Variants in CASKIN1 observed in about 807,000 individuals in gnomAD.
CASKIN1 encodes the protein caskin-1.
Under a neutral mutation model 117.5 loss-of-function variants are expected in CASKIN1, and 42 were observed. The ratio of observed to expected loss-of-function variants is 0.36; its 90% CI spans 0.28 to 0.46. CASKIN1 has a LOEUF of 0.46. CASKIN1 is among the 20% of genes least tolerant of loss of function. The pLI, the probability that CASKIN1 is intolerant of heterozygous loss-of-function variation, is 1.00. For synonymous variants in CASKIN1, 1,148 were observed against 961.7 expected (o/e 1.19, Z -3.59); for missense variants, 2,083 against 2,077.3 (o/e 1.00, Z -0.05).
rs781086481 is a variant in CASKIN1, at chr16:2,180,830, C to T, written c.2538G>A (p.Pro846=). The T allele has an allele frequency of 5.1e-5, 71 of 1,381,908 alleles. No individual in the cohort carries two copies. The highest frequency in any genetic ancestry group is 2.4e-4 in the Middle Eastern group (1 of 4,230). 85.6% of individuals were successfully genotyped at this position (1,381,908 alleles called of 1,614,324 possible). The change falls in exon 18 of 20, where the codon CCG becomes CCA. Residue 846 remains proline (P), a synonymous_variant. Coordinates refer to ENST00000343516, the MANE Select transcript of CASKIN1 (RefSeq NM_020764.4). ...LPQPVEGEVG[P]AAPGPAPPPV... ...GTGGGGGCGCAGGCCCCGGGGCAGCCGGCCCCACCTCGCCCTCCACGGGCT... is the reference window on the plus strand; with the variant it reads ...GTGGGGGCGCAGGCCCCGGGGCAGCTGGCCCCACCTCGCCCTCCACGGGCT...
In CASKIN1 at chr16:2,190,112, G is replaced by T; in HGVS notation, c.205C>A (p.Leu69Met). The change falls in exon 3 of 20, where the codon CTG becomes ATG. Residue 69 changes from leucine (L) to methionine (M), a missense_variant. Leu to Met is a conservative substitution (Grantham distance 15). This residue lies in a region of CASKIN1 where 203 missense variants were observed against 338.7 expected (regional missense o/e 0.60). Coordinates refer to ENST00000343516, the MANE Select transcript of CASKIN1 (RefSeq NM_020764.4). ...NGNTELISLL[L>M]EAQAAVDIKD... ...ATGTCCACAGCGGCCTGGGCCTCCAGCAGCAGGCTGATCAATTCCGTGTTG... is the reference window on the plus strand; with the variant it reads ...ATGTCCACAGCGGCCTGGGCCTCCATCAGCAGGCTGATCAATTCCGTGTTG... 6.2e-7 allele frequency: 1 copy of T among 1,612,176 alleles called. No homozygotes were observed. Among genetic ancestry groups the T allele is most frequent in the Non-Finnish European group, 8.5e-7 (1 of 1,179,484 alleles).
At chr16:2,187,551 C>T in intron 6 of CASKIN1, 90 bp from the exon 7 acceptor site, 3 of 999,032 alleles carry the variant, frequency 3.0e-6, no homozygotes, top group Non-Finnish European at 4.6e-6. Context: ...CCAGGTACCC[C>T]AGCAGTCAGC....
chr16:2,189,168 G>A lies in CASKIN1; in HGVS notation c.487-11C>T, dbSNP rs1207184062. 2 of 1,612,466 alleles carry A rather than the reference G, an allele frequency of 1.2e-6. No homozygotes were observed. Among genetic ancestry groups the A allele is most frequent in the Non-Finnish European group, 1.7e-6 (2 of 1,179,494 alleles). ...GAGCAGCTGGACCACCTTGAAGGAG[G>A]GGTCAGGGTAGGGGGGTCCTGATGT... On this transcript the variant is annotated splice_polypyrimidine_tract_variant and intron_variant, in intron 5 of 19. Coordinates refer to ENST00000343516, the MANE Select transcript of CASKIN1 (RefSeq NM_020764.4).
At chr16:2,190,035 C>G in intron 3 of CASKIN1, 38 bp downstream of exon 3, 1 of 1,561,986 alleles carries the variant, frequency 6.4e-7, no homozygotes, top group Non-Finnish European at 8.8e-7. Context: ...TCGCTGCCCC[C>G]GCCCCTGCCC....
rs1309800533 is a variant in CASKIN1, at chr16:2,178,221, GCAGTT to G, written c.*324_*328del. Reference sequence around the variant, plus strand: ...AGCGGCTGGCCGGGCGTCCCGATGGGCAGTTCTGTGCTGGGCCCGGGCCTGTGCGC... The same window carrying G: ...AGCGGCTGGCCGGGCGTCCCGATGGGCTGTGCTGGGCCCGGGCCTGTGCGC... On this transcript the variant is annotated 3_prime_UTR_variant, in exon 20 of 20. Coordinates refer to ENST00000343516, the MANE Select transcript of CASKIN1 (RefSeq NM_020764.4). 3 of 438,844 alleles carry G rather than the reference GCAGTT, an allele frequency of 6.8e-6. No individual in the cohort carries two copies. Among genetic ancestry groups the G allele is most frequent in the African/African-American group, 4.2e-5 (2 of 47,722 alleles). The allele number at this position is 438,844 out of a possible 1,614,324, so 27.2% of individuals were successfully genotyped here.
chr16:2,178,881 C>T, intron 19 of CASKIN1, 21 bp downstream of exon 19: 1 of 1,412,040 alleles, frequency 7.1e-7, no homozygotes, highest in African/African-American at 1.6e-5. Context: ...CTCCGCCCGC[C>T]AGGCCCCGCC....
At chr16:2,184,625 C>T in intron 14 of CASKIN1, 152 bp downstream of exon 14, 2 of 606,286 alleles carry the variant, frequency 3.3e-6, no homozygotes, top group South Asian at 6.3e-5. Context: ...ACACACAACA[C>T]ACAGACTGAC....
Position 2,180,992 on chromosome 16 carries a change from C to T in CASKIN1, c.2376G>A (p.Gly792=), listed in dbSNP as rs778352647. 4 of 1,476,860 alleles carry T rather than the reference C, an allele frequency of 2.7e-6. No homozygotes were observed. Among genetic ancestry groups the T allele is most frequent in the South Asian group, 1.4e-5 (1 of 70,446 alleles). The allele number at this position is 1,476,860 out of a possible 1,614,324, so 91.5% of individuals were successfully genotyped here. ...TAGCTGGGGCTGGACCATGAGGTCC[C>T]CCAAGGGCCTGGGGAGAGCCTGGTC... ...KTRPGSPQAL[G]GPHGPAPATA... Residue 792 remains glycine, a synonymous_variant, in exon 18 of 20, where the codon GGG becomes GGA. Transcript: ENST00000343516.
intron 1 of CASKIN1, among the ~76,000 whole-genome samples, chr16:2,192,237 T>C (rs1325334060): frequency 2.0e-5 from 3 of 151,372 alleles, no homozygotes; most frequent in African/African-American, 7.3e-5. Context: ...AGGTTGAAGC[T>C]GCAGTGAGCC....
rs2093164346 is a variant in CASKIN1 at position 2,180,635 on chromosome 16, C to G, written c.2733G>C (p.Gln911His). 6.5e-7 allele frequency: 1 copy of G among 1,549,074 alleles called. No homozygotes were observed. Among genetic ancestry groups the G allele is most frequent in the Non-Finnish European group, 8.7e-7 (1 of 1,154,760 alleles). Residue 911 changes from glutamine to histidine, a missense_variant, in exon 18 of 20, where the codon CAG becomes CAC. Physicochemically the swap from Gln to His is conservative, Grantham distance 24. Around this residue, in one of 3 missense-constraint regions of CASKIN1, gnomAD observed 1,818 missense variants for 1,688.9 expected, o/e 1.08. Transcript: ENST00000343516. Reference protein sequence around the residue: ...PAAAGPYATVQRRVGRSHSVR... With the variant: ...PAAAGPYATVHRRVGRSHSVR... The stretch of plus-strand genomic sequence containing the variant: ...CTGAGTGGCTGCGGCCCACGCGCCG[C>G]TGGACCGTGGCATAGGGGCCGGCAG...
At chr16:2,192,803 G>A (rs1267174549) in intron 1 of CASKIN1, among the ~76,000 whole-genome samples, 1 of 152,144 alleles carries the variant, frequency 6.6e-6, no homozygotes, top group Non-Finnish European at 1.5e-5. Context: ...GCACCAAGGG[G>A]ACAAGGGCCG....
chr16:2,178,496 G>T lies in CASKIN1; in HGVS notation c.*54C>A. On this transcript the variant is annotated 3_prime_UTR_variant, in exon 20 of 20. Transcript: ENST00000343516. Reference sequence around the variant, plus strand: ...CCAGACGCGCCCATCCTGAGGTATAGGTCAGTGTGCGGGGAGGGCCCGGGC... The same window carrying T: ...CCAGACGCGCCCATCCTGAGGTATATGTCAGTGTGCGGGGAGGGCCCGGGC... 2.1e-6 allele frequency: 3 copies of T among 1,419,084 alleles called. No homozygotes were observed. The South Asian group carries it at 3.8e-5, about 18-fold the overall frequency. 87.9% of individuals were successfully genotyped at this position (1,419,084 alleles called of 1,614,324 possible). A position where few individuals can be genotyped will look rare whatever the true frequency, so the allele number is the denominator to read the frequency against.
chr16:2,178,433 T>G lies in CASKIN1; in HGVS notation c.*117A>C, dbSNP rs947772792. The G allele has an allele frequency of 4.9e-5, 36 of 735,628 alleles. No individual in the cohort carries two copies. In the Admixed American group the frequency reaches 1.4e-3, roughly 29 times the overall value. The allele number at this position is 735,628 out of a possible 1,614,324, so 45.6% of individuals were successfully genotyped here. On this transcript the variant is annotated 3_prime_UTR_variant, in exon 20 of 20. Transcript: ENST00000343516. ...GGCCCGGGTCCAGGGGCCGGAGTTGTGCTTCTGCAGGGCCCTGCCCGGCCG... is the reference window on the plus strand; with the variant it reads ...GGCCCGGGTCCAGGGGCCGGAGTTGGGCTTCTGCAGGGCCCTGCCCGGCCG...
intron 14 of CASKIN1, 100 bp from the exon 15 acceptor site, chr16:2,184,041 T>C (rs2093176279): frequency 1.3e-6 from 1 of 747,316 alleles, no homozygotes; most frequent in South Asian, 1.8e-5. Flanking sequence ...GTGCAGCCAC[T>C]GCGTCCGCCG....
chr16:2,179,894 C>G lies in CASKIN1; in HGVS notation c.3474G>C (p.Glu1158Asp), dbSNP rs746884750. 1.2e-6 allele frequency: 2 copies of G among 1,605,290 alleles called. No homozygotes were observed. The highest frequency in any genetic ancestry group is 1.7e-6 in the Non-Finnish European group (2 of 1,176,240). ...GTGGCGGTGGTGGCTCAGGCCCGGCCTCCCGCTCCTTGGCCTTGGGCCTGC... is the reference window on the plus strand; with the variant it reads ...GTGGCGGTGGTGGCTCAGGCCCGGCGTCCCGCTCCTTGGCCTTGGGCCTGC... ...VKRRPKAKER[E>D]AGPEPPPPLS... The change falls in exon 18 of 20, where the codon GAG becomes GAC. Residue 1158 changes from glutamate to aspartate, a missense_variant. Glu to Asp is a conservative substitution (Grantham distance 45, BLOSUM62 2). Transcript: ENST00000343516. This position sits in a 1 kb window ranked among gnomAD's most constrained non-coding sequence, Gnocchi z 5.8.
Position 2,177,320 on chromosome 16 carries a change from C to T in CASKIN1, c.*1230G>A, listed in dbSNP as rs889405425. 1.2e-4 allele frequency: 29 copies of T among 234,504 alleles called. No individual in the cohort carries two copies. The highest frequency in any genetic ancestry group is 3.6e-4 in the South Asian group (2 of 5,626). 14.5% of individuals were successfully genotyped at this position (234,504 alleles called of 1,614,324 possible). On this transcript the variant is annotated 3_prime_UTR_variant, in exon 20 of 20. Transcript: ENST00000343516. ...GGGCACGTCCACTCGCAGGGAAACA[C>T]GGGGTGAGACAGCAGGAAGGGGCCC...
chr16:2,179,187 C>T lies in CASKIN1; in HGVS notation c.3914G>A (p.Arg1305Gln). 1 of 1,133,474 alleles carries T rather than the reference C, an allele frequency of 8.8e-7. No homozygotes were observed. The highest frequency in any genetic ancestry group is 1.1e-6 in the Non-Finnish European group (1 of 925,040). 70.2% of individuals were successfully genotyped at this position (1,133,474 alleles called of 1,614,324 possible). The change falls in exon 19 of 20, where the codon CGA (arginine) becomes CAA (glutamine). Residue 1305 changes from arginine (R) to glutamine (Q), a missense_variant. By Grantham distance (43) the Arg-to-Gln change is conservative. Transcript: ENST00000343516. The surrounding 1 kb of genome is among the most constrained non-coding windows in gnomAD (Gnocchi z 5.8). ...AGPSPAPSPA[R>Q]QPPAALAKPP... is the part of the protein sequence containing the mutation. ...CTTGGCGAGGGCGGCGGGCGGCTGTCGCGCGGGCGAGGGTGCGGGTGAAGG... is the reference window on the plus strand; with the variant it reads ...CTTGGCGAGGGCGGCGGGCGGCTGTTGCGCGGGCGAGGGTGCGGGTGAAGG...
rs1420153034 is a variant in CASKIN1 at position 2,181,595 on chromosome 16, G to A, written c.1773C>T (p.His591=). 1.9e-6 allele frequency: 3 copies of A among 1,556,336 alleles called. No homozygotes were observed. The Admixed American group carries it at 5.8e-5, about 30-fold the overall frequency. The change falls in exon 18 of 20, where the codon CAC becomes CAT. Residue 591 remains histidine, a synonymous_variant. Coordinates refer to ENST00000343516, the MANE Select transcript of CASKIN1 (RefSeq NM_020764.4). ...TCACAGCGAGCATCAGCTTCTTCTGGTGCCCTGAGTGGGGCGCAGGGGGCA... is the reference window on the plus strand; with the variant it reads ...TCACAGCGAGCATCAGCTTCTTCTGATGCCCTGAGTGGGGCGCAGGGGGCA... The part of the protein sequence containing the change: ...LQEIGITKLG[H]QKKLMLAVRK...
chr16:2,189,955 C>A, intron 3 of CASKIN1, 118 bp downstream of exon 3: 1 of 974,954 alleles, frequency 1.0e-6, no homozygotes. Context: ...GGAGGACCTG[C>A]CTGAAATCAG....
Sources: allele counts gnomAD v4.1 joint callset (sites outside exome capture counted in the v4.1 genomes callset), GRCh38; gene constraint gnomAD v4.1.1; regional missense constraint gnomAD v4.1.1; non-coding constraint Gnocchi (gnomAD v3.1); transcripts MANE v1.5; gene names NCBI Gene and HGNC (gene_info 2026-07-23, HGNC 2026-07-21).